Variants in SYNE2 observed in about 807,000 individuals in gnomAD.
The protein encoded by SYNE2 is spectrin repeat containing nuclear envelope protein 2.
SYNE2 carries 431 observed loss-of-function variants against 856.3 expected under a neutral mutation model. That is an observed-to-expected ratio of 0.50 (90% confidence interval 0.47 to 0.55). The LOEUF is 0.55. Ranked by LOEUF, SYNE2 falls within the 20% of genes least tolerant of loss-of-function variation. SYNE2 has a pLI of 0.00. For missense variants in SYNE2, 8,129 were observed against 8,023.2 expected (o/e 1.01, Z -0.50); for synonymous variants, 2,923 against 2,872.3 (o/e 1.02, Z -0.56).
At chr14:64,015,079 A>G (rs1183096832) in intron 32 of SYNE2, among the ~76,000 whole-genome samples, 1 of 146,290 alleles carries the variant, frequency 6.8e-6, no homozygotes. Flanking sequence ...ATATATGTAT[A>G]TATATATAAC....
At chr14:64,133,046 CA>C (rs61232749) in intron 77 of SYNE2, among the ~76,000 whole-genome samples, 30,688 of 148,822 alleles carry the variant, frequency 0.21, 4,720 homozygotes, top group African/African-American at 0.44. Context: ...ACTAAAAATA[CA>C]AAAAAAAAAT....
intron 2 of SYNE2, among the ~76,000 whole-genome samples, chr14:63,919,971 A>ATTTTTTTTTTTTTTTTTTTT (rs2095577326): frequency 1.1e-5 from 1 of 94,588 alleles, no homozygotes; most frequent in Admixed American, 9.9e-5. Flanking sequence ...ATAAAAGGTA[A>ATTTTTTTTTTTTTTTTTTTT]GTTTTTTTTT....
At chr14:64,118,809 C>T (rs1201341731) in intron 66 of SYNE2, among the ~76,000 whole-genome samples, 7 of 146,564 alleles carry the variant, frequency 4.8e-5, no homozygotes, top group East Asian at 4.0e-4. Context: ...TGCAGTGAGC[C>T]GAGATCACAC....
rs200040718 is a variant in SYNE2, at chr14:64,070,810, C to G, written c.10597C>G (p.Gln3533Glu). The change falls in exon 52 of 116, where the codon CAG (glutamine) becomes GAG (glutamate). Residue 3533 changes from glutamine (Q) to glutamate (E), a missense_variant. This residue lies in a region of SYNE2 where 5,410 missense variants were observed against 5,284.8 expected (regional missense o/e 1.02). Coordinates refer to ENST00000555002, the MANE Select transcript of SYNE2 (RefSeq NM_182914.3). ...ACAGCTGTTACTGACTCTACTTCTT[C>G]AGCGCATCAGAAGTATCCAGAATGT... Reference protein sequence around the residue: ...KQQLLLTLLLQRIRSIQNVPE... With the variant: ...KQQLLLTLLLERIRSIQNVPE... 4.3e-6 allele frequency: 7 copies of G among 1,614,176 alleles called. No individual in the cohort carries two copies. In the Admixed American group the frequency reaches 1.2e-4, roughly 27 times the overall value.
intron 30 of SYNE2, among the ~76,000 whole-genome samples, chr14:64,005,245 G>T (rs997904541): frequency 6.6e-6 from 1 of 152,188 alleles, no homozygotes; most frequent in Non-Finnish European, 1.5e-5. Flanking sequence ...TTTTGTCTCT[G>T]ACTAATGTGT....
chr14:64,141,626 A>C, intron 81 of SYNE2, 103 bp downstream of exon 81: 1 of 1,271,360 alleles, frequency 7.9e-7, no homozygotes, highest in East Asian at 2.5e-5. Flanking sequence ...GACACTACCT[A>C]TTTTTCTCTG....
rs2095643249 is a variant in SYNE2, at chr14:63,924,839, T to TTTTTC, written c.79+15616_79+15617insCTTTT. The stretch of plus-strand genomic sequence containing the variant: ...TTTTTCCTTCCAGCCTTGGTGTTTT[T>TTTTTC]TTTTTTTTTTTTTTTTTTTTTTTTG... On this transcript the variant is annotated intron_variant, in intron 2 of 115. Coordinates refer to ENST00000555002, the MANE Select transcript of SYNE2 (RefSeq NM_182914.3). Among the ~76,000 whole-genome samples, 2 of 66,242 alleles carry TTTTTC rather than the reference T, an allele frequency of 3.0e-5. 1 individual carries two copies. Among genetic ancestry groups the TTTTTC allele is most frequent in the African/African-American group, 8.2e-5 (2 of 24,388 alleles). 43.5% of individuals were successfully genotyped at this position (66,242 alleles called of 152,430 possible). A position where few individuals can be genotyped will look rare whatever the true frequency, so the allele number is the denominator to read the frequency against.
chr14:63,887,506 C>T (rs143001148), intron 1 of SYNE2, among the ~76,000 whole-genome samples: 23 of 152,252 alleles, frequency 1.5e-4, no homozygotes, highest in African/African-American at 5.5e-4. Flanking sequence ...AAGAGAGAGC[C>T]CAGCTGATTG....
chr14:64,189,004 C>G lies in SYNE2; in HGVS notation c.17871+296C>G, dbSNP rs527909935. 5 of 702,206 alleles carry G rather than the reference C, an allele frequency of 7.1e-6. No individual in the cohort carries two copies. In the African/African-American group the frequency reaches 8.7e-5, roughly 12 times the overall value. The allele number at this position is 702,206 out of a possible 1,614,324, so 43.5% of individuals were successfully genotyped here. Reference sequence around the variant, plus strand: ...ACATATCCTTACATGTCAGCTGATACCCCAAGTGAGTTAGGGTTTCTCTAG... The same window carrying G: ...ACATATCCTTACATGTCAGCTGATAGCCCAAGTGAGTTAGGGTTTCTCTAG... On this transcript the variant is annotated intron_variant, in intron 98 of 115. Coordinates refer to ENST00000555002, the MANE Select transcript of SYNE2 (RefSeq NM_182914.3).
chr14:64,038,614 T>C (rs28609254), intron 45 of SYNE2, among the ~76,000 whole-genome samples: 134,668 of 152,306 alleles, frequency 0.88, 59,750 homozygotes, highest in Non-Finnish European at 0.93. Flanking sequence ...CCGAGGCTGG[T>C]GGATCACTCG....
intron 103 of SYNE2, among the ~76,000 whole-genome samples, chr14:64,210,787 A>G (rs1207314700): frequency 6.6e-6 from 1 of 151,838 alleles, no homozygotes; most frequent in Non-Finnish European, 1.5e-5. Flanking sequence ...GCATGGTTGA[A>G]CCCATTCTAG....
At position 64,118,754 on chromosome 14, in the gene SYNE2, G is replaced by A. The variant is rs185678658; in HGVS notation, c.12841-673G>A. ...CGCACTCTTGTAATCCCAGCTACTC[G>A]GGAGGCTGAGGCAGGAGAATTACTT... On this transcript the variant is annotated intron_variant, in intron 66 of 115. Coordinates refer to ENST00000555002, the MANE Select transcript of SYNE2 (RefSeq NM_182914.3). Among the ~76,000 whole-genome samples, 314 of 151,880 alleles carry A rather than the reference G, an allele frequency of 2.1e-3. 1 individual carries two copies. Among genetic ancestry groups the A allele is most frequent in the African/African-American group, 7.0e-3 (291 of 41,422 alleles).
chr14:64,080,672 G>T, intron 56 of SYNE2, 34 bp downstream of exon 56: 1 of 1,609,296 alleles, frequency 6.2e-7, no homozygotes, highest in Non-Finnish European at 8.5e-7. Flanking sequence ...TTCATATCAT[G>T]TGGTGGTATT....
intron 1 of SYNE2, among the ~76,000 whole-genome samples, chr14:63,798,629 A>C (rs1238910022): frequency 6.6e-6 from 1 of 151,984 alleles, no homozygotes; most frequent in Non-Finnish European, 1.5e-5. Flanking sequence ...CCTGACCTCA[A>C]GTGATCCACC....
chr14:63,848,514 A>T (rs147929174), upstream of SYNE2, among the ~76,000 whole-genome samples: 3 of 152,310 alleles, frequency 2.0e-5, no homozygotes, highest in African/African-American at 7.2e-5. Flanking sequence ...TGATTAATGC[A>T]TCACTTTGCA....
intron 48 of SYNE2, among the ~76,000 whole-genome samples, chr14:64,055,013 A>G (rs554206553): frequency 3.3e-5 from 5 of 152,244 alleles, no homozygotes; most frequent in Non-Finnish European, 7.3e-5. Context: ...AACAATGTGC[A>G]TAAATCCCAA....
At position 63,780,789 on chromosome 14, in the gene SYNE2, C is replaced by T. The variant is rs541327914; in HGVS notation, c.-305+18803C>T. On this transcript the variant is annotated intron_variant, in intron 1 of 23. Coordinates refer to the SYNE2 transcript ENST00000674003. ...GAACCAAAGAATCAAAAAAAGAATA[C>T]ATAATCTATGCTTCATTTGCATGTT... Among the ~76,000 whole-genome samples, 120 of 152,166 alleles carry T rather than the reference C, an allele frequency of 7.9e-4. 2 individuals carry two copies. In the South Asian group the frequency reaches 0.025, roughly 31 times the overall value.
At chr14:63,891,410 G>A (rs989655007) in intron 1 of SYNE2, among the ~76,000 whole-genome samples, 1 of 152,112 alleles carries the variant, frequency 6.6e-6, no homozygotes, top group Non-Finnish European at 1.5e-5. Flanking sequence ...GATATACAGG[G>A]GTTGTTAGTA....
At chr14:64,178,348 G>A (rs566057904) in intron 96 of SYNE2, among the ~76,000 whole-genome samples, 1 of 152,288 alleles carries the variant, frequency 6.6e-6, no homozygotes, top group African/African-American at 2.4e-5. Context: ...CAAGTGTCCT[G>A]TATGATCTAA....
Sources: gnomAD v4.1 joint callset for allele counts (sites outside exome capture counted in the v4.1 genomes callset) on GRCh38, gnomAD v4.1.1 for gene constraint, gnomAD v4.1.1 regional missense constraint, MANE v1.5 for transcripts, NCBI Gene and HGNC (gene_info 2026-07-23, HGNC 2026-07-21) for gene names.